Variants in TDG observed in about 807,000 individuals in gnomAD.
The protein encoded by TDG is G/T mismatch-specific thymine DNA glycosylase.
A neutral mutation model predicts 46.1 loss-of-function variants in TDG; 23 were observed. The observed-to-expected ratio is 0.50, with a 90% CI of 0.36 to 0.71. The LOEUF (loss-of-function observed/expected upper bound fraction) is 0.71, where lower values mean the gene tolerates loss of function less well. Among genes scored for constraint, TDG ranks in the 30% least tolerant of loss-of-function variants. The pLI is 0.00. For missense variants in TDG, 304 were observed against 486.7 expected (o/e 0.62, Z 3.53); for synonymous variants, 115 against 161.3 (o/e 0.71, Z 2.18).
In TDG at chr12:103,988,359, A is replaced by G. The variant is rs1215185106; in HGVS notation, c.*1269A>G. On this transcript the variant is annotated 3_prime_UTR_variant, in exon 10 of 10. Transcript: ENST00000392872. ...ATATGATTGCTCTTCTCTTTATAATAAGAGAAACAAATTCTTATTGTGAAT... is the reference window on the plus strand; with the variant it reads ...ATATGATTGCTCTTCTCTTTATAATGAGAGAAACAAATTCTTATTGTGAAT... 2.6e-5 allele frequency: 4 copies of G among 152,708 alleles called. No individual in the cohort carries two copies. Among genetic ancestry groups the G allele is most frequent in the Admixed American group, 2.0e-4 (3 of 15,292 alleles). 9.5% of individuals were successfully genotyped at this position (152,708 alleles called of 1,614,324 possible).
At chr12:103,984,972 CAT>C (rs1238549034) in intron 8 of TDG, 52 bp downstream of exon 8, 2 of 1,387,548 alleles carry the variant, frequency 1.4e-6, no homozygotes, top group Non-Finnish European at 1.9e-6. Flanking sequence ...TATATATACA[CAT>C]ATATACTTAC....
chr12:103,980,116 G>A (rs375400235), intron 3 of TDG, 44 bp downstream of exon 3: 264 of 1,606,658 alleles, frequency 1.6e-4, no homozygotes, highest in Non-Finnish European at 2.2e-4. Context: ...AGTATTGGGG[G>A]ATCAGCTTTA....
intron 1 of TDG, among the ~76,000 whole-genome samples, chr12:103,976,396 G>T (rs191619104): frequency 3.4e-5 from 5 of 145,474 alleles, no homozygotes; most frequent in Admixed American, 3.4e-4. Context: ...GACAGAGGGA[G>T]ACCCTGTCTC....
In TDG at chr12:103,983,236, A is replaced by ATT; in HGVS notation, c.697+27_697+28dup. On this transcript the variant is annotated intron_variant, in intron 6 of 9. Coordinates refer to ENST00000392872, the MANE Select transcript of TDG (RefSeq NM_003211.6). The stretch of plus-strand genomic sequence containing the variant: ...TGGAAAATGTAAGATTTACTTTTAA[A>ATT]TTTTTTTTTTCTTTGCTAACATTAT... 6.5e-7 allele frequency: 1 copy of ATT among 1,528,308 alleles called. No homozygotes were observed. The highest frequency in any genetic ancestry group is 1.3e-5 in the South Asian group (1 of 79,764). The allele number at this position is 1,528,308 out of a possible 1,614,324, so 94.7% of individuals were successfully genotyped here.
rs753298469 is a variant in TDG, at chr12:103,982,875, T to C, written c.555T>C (p.Tyr185=). ...HMDDHTLPGK[Y]GIGFTNMVER... ...ATGATCACACTCTACCAGGGAAGTA[T>C]GGTATTGGATTTACCAACATGGTGG... Residue 185 remains tyrosine, a synonymous_variant, in exon 5 of 10, where the codon TAT becomes TAC. Transcript: ENST00000392872. 6.2e-7 allele frequency: 1 copy of C among 1,614,108 alleles called. No individual in the cohort carries two copies. Among genetic ancestry groups the C allele is most frequent in the Non-Finnish European group, 8.5e-7 (1 of 1,180,018 alleles).
rs1379997803 is a variant in TDG, at chr12:103,988,339, AT to A, written c.*1251del. On this transcript the variant is annotated 3_prime_UTR_variant, in exon 10 of 10. Coordinates refer to ENST00000392872, the MANE Select transcript of TDG (RefSeq NM_003211.6). ...TCCCCCACCCCCAGGAGGTTATATG[AT>A]TGCTCTTCTCTTTATAATAAGAGAA... 2.0e-5 allele frequency: 3 copies of A among 152,806 alleles called. No homozygotes were observed. The highest frequency in any genetic ancestry group is 2.9e-5 in the Non-Finnish European group (2 of 68,030). The allele number at this position is 152,806 out of a possible 1,614,324, so 9.5% of individuals were successfully genotyped here. A position where few individuals can be genotyped will look rare whatever the true frequency, so the allele number is the denominator to read the frequency against.
At chr12:103,972,468 G>A (rs1047570091) in intron 1 of TDG, among the ~76,000 whole-genome samples, 1 of 152,186 alleles carries the variant, frequency 6.6e-6, no homozygotes, top group African/African-American at 2.4e-5. Context: ...GAAGATTTTT[G>A]TGTAGATGTA....
intron 1 of TDG, 97 bp downstream of exon 1, chr12:103,966,157 G>T: frequency 7.4e-7 from 1 of 1,359,640 alleles, no homozygotes; most frequent in South Asian, 1.6e-5. Flanking sequence ...TTTAAATCCC[G>T]GCCGGAATAC....
intron 2 of TDG, among the ~76,000 whole-genome samples, chr12:103,979,491 A>C (rs932478595): frequency 2.0e-5 from 3 of 152,034 alleles, no homozygotes; most frequent in Non-Finnish European, 4.4e-5. Context: ...TTAATTATTT[A>C]TGTATTTACA....
intron 1 of TDG, among the ~76,000 whole-genome samples, chr12:103,971,111 A>C (rs1038698583): frequency 6.6e-6 from 1 of 152,230 alleles, no homozygotes; most frequent in Non-Finnish European, 1.5e-5. Context: ...TTTTATATCA[A>C]GCGACTTGAG....
At chr12:103,969,732 CAG>C (rs1871211083) in intron 1 of TDG, among the ~76,000 whole-genome samples, 2 of 152,152 alleles carry the variant, frequency 1.3e-5, no homozygotes, top group African/African-American at 4.8e-5. Flanking sequence ...ATGGGAAACT[CAG>C]TGTGAATCAA....
chr12:103,985,160 G>C (rs201356774), intron 8 of TDG, among the ~76,000 whole-genome samples: 2 of 51,694 alleles, frequency 3.9e-5, no homozygotes, highest in Non-Finnish European at 8.3e-5. Flanking sequence ...TCTATATATA[G>C]ACACATACAC....
intron 7 of TDG, among the ~76,000 whole-genome samples, chr12:103,983,758 G>A (rs544987955): frequency 6.6e-6 from 1 of 152,256 alleles, no homozygotes; most frequent in Admixed American, 6.5e-5. Flanking sequence ...ATCCTGATTA[G>A]GAAAACCAGT....
At chr12:103,973,686 A>G (rs1296706335) in intron 1 of TDG, among the ~76,000 whole-genome samples, 1 of 152,158 alleles carries the variant, frequency 6.6e-6, no homozygotes, top group Admixed American at 6.6e-5. Context: ...AAAAAAGGAC[A>G]TTTTACTTTG....
chr12:103,985,813 T>C, intron 9 of TDG, 85 bp downstream of exon 9: 1 of 1,311,630 alleles, frequency 7.6e-7, no homozygotes, highest in East Asian at 2.7e-5. Flanking sequence ...GAGAGTAAAT[T>C]ATTGAAGAAT....
chr12:103,978,038 G>C (rs1871622127), intron 2 of TDG, among the ~76,000 whole-genome samples: 1 of 151,744 alleles, frequency 6.6e-6, no homozygotes, highest in African/African-American at 2.4e-5. Flanking sequence ...CTCCAGCTGG[G>C]CAATAGTGCG....
intron 1 of TDG, among the ~76,000 whole-genome samples, chr12:103,973,717 A>G (rs1871381602): frequency 6.6e-6 from 1 of 152,268 alleles, no homozygotes; most frequent in Non-Finnish European, 1.5e-5. Flanking sequence ...GCTTCTAAGC[A>G]TAGTTCTACA....
intron 1 of TDG, 79 bp downstream of exon 1, chr12:103,966,139 A>G (rs1286225247): frequency 2.1e-6 from 3 of 1,408,986 alleles, no homozygotes; most frequent in East Asian, 5.9e-5. Context: ...GCGCGCACGC[A>G]GGGGTCTTTT....
intron 4 of TDG, among the ~76,000 whole-genome samples, chr12:103,982,081 G>A (rs766736412): frequency 6.6e-6 from 1 of 152,096 alleles, no homozygotes; most frequent in Non-Finnish European, 1.5e-5. Context: ...CTCTATATAA[G>A]TTGTCTTGTA....
Sources: allele counts gnomAD v4.1 joint callset (sites outside exome capture counted in the v4.1 genomes callset), GRCh38; gene constraint gnomAD v4.1.1; transcripts MANE v1.5; gene names NCBI Gene and HGNC (gene_info 2026-07-23, HGNC 2026-07-21).